Variants in TLL1 observed in about 807,000 individuals in gnomAD.
TLL1 encodes the protein tolloid like 1.
Under a neutral mutation model 128.2 loss-of-function variants are expected in TLL1, and 49 were observed. The observed-to-expected ratio is 0.38, with a 90% CI of 0.30 to 0.48. The LOEUF is 0.48. Ranked by LOEUF, TLL1 falls within the 20% of genes least tolerant of loss-of-function variation. The probability of loss-of-function intolerance (pLI) is 0.96; values close to 1 mark genes in which losing one functional copy is unlikely to be tolerated. For synonymous variants in TLL1, 454 were observed against 418.8 expected (o/e 1.08, Z -1.03); for missense variants, 1,123 against 1,242.0 (o/e 0.90, Z 1.44).
At chr4:166,096,405 G>A (rs576341306) in intron 19 of TLL1, among the ~76,000 whole-genome samples, 3 of 152,110 alleles carry the variant, frequency 2.0e-5, no homozygotes, top group South Asian at 4.1e-4. Context: ...TTAAATGTAG[G>A]CCATTTTTCT....
intron 1 of TLL1, among the ~76,000 whole-genome samples, chr4:165,876,402 GCA>G (rs1359842727): frequency 2.6e-5 from 4 of 152,050 alleles, no homozygotes; most frequent in Admixed American, 2.6e-4. Flanking sequence ...CCATGCAAAA[GCA>G]AAAGAGAAGG....
chr4:166,020,599 A>AG (rs1738176956), intron 8 of TLL1, among the ~76,000 whole-genome samples: 1 of 152,094 alleles, frequency 6.6e-6, no homozygotes, highest in Non-Finnish European at 1.5e-5. Flanking sequence ...CCCTACTCAT[A>AG]GGATTACTTT....
At chr4:165,942,347 A>G (rs1191729028) in intron 1 of TLL1, among the ~76,000 whole-genome samples, 1 of 151,378 alleles carries the variant, frequency 6.6e-6, no homozygotes, top group African/African-American at 2.4e-5. Context: ...CACTTACAGC[A>G]GGAAGCCTTC....
At chr4:165,994,349 T>C (rs763374286) in intron 3 of TLL1, 32 bp from the exon 4 acceptor site, 3 of 1,613,822 alleles carry the variant, frequency 1.9e-6, no homozygotes, top group South Asian at 1.1e-5. Context: ...CAAGAACTTC[T>C]GTTTCACAGA....
chr4:166,009,061 A>G (rs533954280), intron 7 of TLL1, among the ~76,000 whole-genome samples: 3 of 151,676 alleles, frequency 2.0e-5, no homozygotes, highest in Non-Finnish European at 4.4e-5. Context: ...TTTCTAAAGT[A>G]CATTATTTAT....
Position 166,062,797 on chromosome 4 carries a change from A to G in TLL1, c.2007+2609A>G, listed in dbSNP as rs530598375. ...AGAGAGGGCATCCCTGTCTTGTGCC[A>G]GTTTTCAAAGGGAATGCCTCCAGAT... On this transcript the variant is annotated intron_variant, in intron 15 of 20. Transcript: ENST00000061240. 2.0e-5 allele frequency among the ~76,000 whole-genome samples: 3 copies of G among 152,250 alleles called. No individual in the cohort carries two copies. In the South Asian group the frequency reaches 6.2e-4, roughly 32 times the overall value.
At chr4:166,099,149 A>C in intron 19 of TLL1, 128 bp from the exon 20 acceptor site, 2 of 1,445,486 alleles carry the variant, frequency 1.4e-6, no homozygotes, top group Non-Finnish European at 1.9e-6. Flanking sequence ...TGTGGAAAAC[A>C]TATCTGACGC....
intron 9 of TLL1, among the ~76,000 whole-genome samples, chr4:166,036,904 C>T (rs995246602): frequency 6.6e-6 from 1 of 151,682 alleles, no homozygotes; most frequent in Non-Finnish European, 1.5e-5. Context: ...ATTGATAATA[C>T]ACATACTTCT....
chr4:166,065,062 G>T (rs1158006433), intron 15 of TLL1, among the ~76,000 whole-genome samples: 1 of 151,982 alleles, frequency 6.6e-6, no homozygotes, highest in Non-Finnish European at 1.5e-5. Context: ...CATTCATTTA[G>T]CTTCTTCCAT....
intron 4 of TLL1, 135 bp downstream of exon 4, chr4:165,994,668 G>C (rs1736786954): frequency 1.0e-6 from 1 of 1,004,226 alleles, no homozygotes; most frequent in Non-Finnish European, 1.5e-6. Flanking sequence ...CATTAACTTA[G>C]GTTATTAGTG....
chr4:165,917,313 T>C (rs1205990632), intron 1 of TLL1, among the ~76,000 whole-genome samples: 2 of 152,152 alleles, frequency 1.3e-5, no homozygotes, highest in Non-Finnish European at 2.9e-5. Flanking sequence ...TCTAGAACAC[T>C]TACAGGGTAA....
chr4:166,088,761 T>C (rs930796375), intron 18 of TLL1, among the ~76,000 whole-genome samples: 1 of 152,130 alleles, frequency 6.6e-6, no homozygotes, highest in Non-Finnish European at 1.5e-5. Flanking sequence ...CTGTAGCCAG[T>C]TGGCACCAGA....
intron 7 of TLL1, among the ~76,000 whole-genome samples, chr4:166,012,160 A>G (rs1162927745): frequency 2.0e-5 from 3 of 151,626 alleles, no homozygotes; most frequent in East Asian, 3.9e-4. Flanking sequence ...TTAAAAGTAT[A>G]GCTGATTTGC....
At chr4:165,938,954 T>A (rs940700547) in intron 1 of TLL1, among the ~76,000 whole-genome samples, 6 of 152,114 alleles carry the variant, frequency 3.9e-5, no homozygotes, top group Non-Finnish European at 7.4e-5. Context: ...TAATTATGAT[T>A]TCCTGGAAGA....
chr4:166,044,235 G>T, intron 12 of TLL1: 1 of 681,002 alleles, frequency 1.5e-6, no homozygotes, highest in Non-Finnish European at 2.4e-6. Context: ...TTTACTGATT[G>T]GAAGACTAAT....
intron 1 of TLL1, among the ~76,000 whole-genome samples, chr4:165,885,272 C>T (rs1360262751): frequency 6.6e-6 from 1 of 151,970 alleles, no homozygotes; most frequent in Non-Finnish European, 1.5e-5. Context: ...ATCTCTAAGG[C>T]TGTTCGAGGC....
At chr4:166,030,202 TATCTC>T (rs949537481) in intron 9 of TLL1, among the ~76,000 whole-genome samples, 3 of 152,186 alleles carry the variant, frequency 2.0e-5, no homozygotes, top group African/African-American at 7.2e-5. Context: ...TGTCAGGTGA[TATCTC>T]ATTGTGATTT....
At position 165,880,889 on chromosome 4, in the gene TLL1, TGTAA is replaced by T. The variant is rs753347678; in HGVS notation, c.169+6819_169+6822del. On this transcript the variant is annotated intron_variant, in intron 1 of 20. Coordinates refer to ENST00000061240, the MANE Select transcript of TLL1 (RefSeq NM_012464.5). The stretch of plus-strand genomic sequence containing the variant: ...TGGTAGCTCCTGGCCGGGTTGCTGC[TGTAA>T]GTGTCTTCTGAGCTCTCTTCTTTGC... 9.2e-4 allele frequency among the ~76,000 whole-genome samples: 140 copies of T among 152,332 alleles called. 2 individuals are homozygous for T. Among genetic ancestry groups the T allele is most frequent in the Admixed American group, 6.8e-3 (104 of 15,308 alleles).
At chr4:165,956,796 C>CT (rs1484913632) in intron 1 of TLL1, among the ~76,000 whole-genome samples, 9 of 152,064 alleles carry the variant, frequency 5.9e-5, no homozygotes, top group Admixed American at 5.9e-4. Context: ...AATTTGGGAA[C>CT]TGATAAATGT....
Sources: gnomAD v4.1 joint callset for allele counts (sites outside exome capture counted in the v4.1 genomes callset) on GRCh38, gnomAD v4.1.1 for gene constraint, MANE v1.5 for transcripts, NCBI Gene and HGNC (gene_info 2026-07-23, HGNC 2026-07-21) for gene names.